FXR1: variants seen among roughly 807,000 people sequenced by gnomAD.
FXR1 encodes RNA-binding protein FXR1.
Under a neutral mutation model 84.0 loss-of-function variants are expected in FXR1, and 15 were observed. The ratio of observed to expected loss-of-function variants is 0.18; its 90% confidence interval spans 0.12 to 0.27. The LOEUF is 0.27. Ranked by LOEUF, FXR1 falls within the 10% of genes least tolerant of loss-of-function variation. The pLI is 1.00. For synonymous variants in FXR1, 245 were observed against 250.7 expected, an observed-to-expected ratio of 0.98 and a Z score of 0.21; for missense variants, 480 against 774.4, an observed-to-expected ratio of 0.62 and a Z score of 4.51.
chr3:180,931,046 A>AAAAAAAAAAAAAAAC (rs1441505081), intron 1 of FXR1, among the ~76,000 whole-genome samples: 2 of 150,586 alleles, frequency 1.3e-5, no homozygotes, highest in East Asian at 1.9e-4. Flanking sequence ...AAAAAAAAAA[A>AAAAAAAAAAAAAAAC]AGACGTGAAT....
intron 1 of FXR1, among the ~76,000 whole-genome samples, chr3:180,928,432 G>A (rs1719489174): frequency 8.6e-6 from 1 of 116,542 alleles, no homozygotes; most frequent in Non-Finnish European, 1.6e-5. Flanking sequence ...ATTTTATTAG[G>A]TCCCCCCACC....
chr3:180,922,332 T>C (rs568154284), intron 1 of FXR1, among the ~76,000 whole-genome samples: 14 of 152,336 alleles, frequency 9.2e-5, no homozygotes, highest in Middle Eastern at 3.4e-3. Flanking sequence ...AAGTTGGCTT[T>C]ATGATCTTTA....
rs1164456696 is a variant in FXR1, at chr3:180,979,184, A to G, written c.*2892A>G. 6.6e-6 allele frequency: 1 copy of G among 152,102 alleles called. No homozygotes were observed. Among genetic ancestry groups the G allele is most frequent in the Non-Finnish European group, 1.5e-5 (1 of 67,994 alleles). 9.4% of individuals were successfully genotyped at this position (152,102 alleles called of 1,614,324 possible). On this transcript the variant is annotated 3_prime_UTR_variant, in exon 17 of 17. Transcript: ENST00000357559. ...TCTTATAGAAGTTGGTATGTTAACT[A>G]AATCTTGGACTGGGAAACAGCACCA...
intron 11 of FXR1, among the ~76,000 whole-genome samples, chr3:180,962,272 T>G (rs908641403): frequency 1.1e-4 from 17 of 152,218 alleles, no homozygotes; most frequent in Admixed American, 5.9e-4. Flanking sequence ...ATAATGTCAT[T>G]TCTTTTCTTT....
rs1407123207 is a variant in FXR1, at chr3:180,977,037, C to G, written c.*745C>G. 2 of 151,446 alleles carry G rather than the reference C, an allele frequency of 1.3e-5. No homozygotes were observed. Among genetic ancestry groups the G allele is most frequent in the Non-Finnish European group, 2.9e-5 (2 of 67,810 alleles). The allele number at this position is 151,446 out of a possible 1,614,324, so 9.4% of individuals were successfully genotyped here. ...TTCCAGAAGGTTTATTCTGTATAAA[C>G]TACATGTTAGTCTTCAGTAGAGTAT... On this transcript the variant is annotated 3_prime_UTR_variant, in exon 17 of 17. Coordinates refer to ENST00000357559, the MANE Select transcript of FXR1 (RefSeq NM_005087.4).
chr3:180,947,653 A>G (rs1328790235), intron 3 of FXR1, among the ~76,000 whole-genome samples: 1 of 152,236 alleles, frequency 6.6e-6, no homozygotes, highest in Admixed American at 6.5e-5. Context: ...ATTAATTTCT[A>G]AGAAGCTAAA....
rs539698854 is a variant in FXR1 at position 180,978,069 on chromosome 3, A to G, written c.*1777A>G. On this transcript the variant is annotated 3_prime_UTR_variant, in exon 17 of 17. Transcript: ENST00000357559. ...ATTACCCACAAATGTGTTTTTTTAA[A>G]TCGATCAAAGCTAGCAACAGGTTAA... 6.6e-6 allele frequency: 1 copy of G among 152,130 alleles called. No individual in the cohort carries two copies. Among genetic ancestry groups the G allele is most frequent in the Non-Finnish European group, 1.5e-5 (1 of 67,960 alleles). The allele number at this position is 152,130 out of a possible 1,614,324, so 9.4% of individuals were successfully genotyped here.
At chr3:180,940,578 C>CTTTTTTTT (rs1559991795) in intron 3 of FXR1, among the ~76,000 whole-genome samples, 1 of 128,380 alleles carries the variant, frequency 7.8e-6, no homozygotes, top group African/African-American at 3.0e-5. Flanking sequence ...TTGTTTTTTT[C>CTTTTTTTT]TGTTTTCTTT....
At position 180,924,985 on chromosome 3, in the gene FXR1, A is replaced by G. The variant is rs551688239; in HGVS notation, c.52-8349A>G. ...TCAAGCAAAAGAAATTCATTAAAAC[A>G]TATTCATATTCAGATACCTGTGTTT... On this transcript the variant is annotated intron_variant, in intron 1 of 16. Transcript: ENST00000357559. Among the ~76,000 whole-genome samples the G allele has an allele frequency of 3.2e-4, 48 of 152,340 alleles. 1 individual carries two copies. The South Asian group carries it at 5.2e-3, about 16-fold the overall frequency.
intron 8 of FXR1, among the ~76,000 whole-genome samples, chr3:180,952,335 A>G (rs1722309340): frequency 6.6e-6 from 1 of 152,184 alleles, no homozygotes; most frequent in African/African-American, 2.4e-5. Flanking sequence ...TTCACATAGT[A>G]AAGCTGACTA....
chr3:180,978,627 T>C lies in FXR1; in HGVS notation c.*2335T>C, dbSNP rs1714442593. 1 of 152,048 alleles carries C rather than the reference T, an allele frequency of 6.6e-6. No homozygotes were observed. The allele number at this position is 152,048 out of a possible 1,614,324, so 9.4% of individuals were successfully genotyped here. The stretch of plus-strand genomic sequence containing the variant: ...GAGCCTGGCACAGTAGCTTATGTCT[T>C]TGGTTCTAGCTACTCAGGAGCCTGA... On this transcript the variant is annotated 3_prime_UTR_variant, in exon 17 of 17. Coordinates refer to ENST00000357559, the MANE Select transcript of FXR1 (RefSeq NM_005087.4).
At chr3:180,914,319 T>A (rs115725483) in intron 1 of FXR1, among the ~76,000 whole-genome samples, 2,233 of 152,270 alleles carry the variant, frequency 0.015, 36 homozygotes, top group Middle Eastern at 0.031. Flanking sequence ...AATAGACTTA[T>A]CTATGTTTTT....
At chr3:180,914,239 T>C (rs1717611517) in intron 1 of FXR1, among the ~76,000 whole-genome samples, 2 of 152,198 alleles carry the variant, frequency 1.3e-5, no homozygotes, top group South Asian at 4.1e-4. Context: ...ACTTTTGTTG[T>C]TATTGAAACC....
At chr3:180,938,384 CTG>C (rs1720759829) in intron 3 of FXR1, among the ~76,000 whole-genome samples, 1 of 152,130 alleles carries the variant, frequency 6.6e-6, no homozygotes, top group African/African-American at 2.4e-5. Context: ...TGGATGGAAA[CTG>C]ATGTCTCATG....
intron 3 of FXR1, among the ~76,000 whole-genome samples, chr3:180,935,822 C>G (rs1190898117): frequency 6.6e-6 from 1 of 152,248 alleles, no homozygotes; most frequent in Non-Finnish European, 1.5e-5. Context: ...TCAGGCTTGT[C>G]TCAGCATCCC....
At chr3:180,942,246 C>T (rs1245569733) in intron 3 of FXR1, among the ~76,000 whole-genome samples, 3 of 151,768 alleles carry the variant, frequency 2.0e-5, no homozygotes, top group East Asian at 1.9e-4. Flanking sequence ...GGTGTGGTAG[C>T]GGGTGCCTGT....
chr3:180,971,086 A>C (rs1357281956), intron 15 of FXR1: 2 of 1,243,504 alleles, frequency 1.6e-6, no homozygotes, highest in East Asian at 5.9e-5. Context: ...TGATAGTGAA[A>C]AAAAACCCCA....
intron 3 of FXR1, among the ~76,000 whole-genome samples, chr3:180,937,777 G>A (rs914165179): frequency 6.6e-6 from 1 of 152,030 alleles, no homozygotes; most frequent in East Asian, 1.9e-4. Flanking sequence ...CGTTTCGAAA[G>A]CCTCTTCCCC....
At chr3:180,962,152 T>C (rs901010770) in intron 11 of FXR1, among the ~76,000 whole-genome samples, 1 of 152,236 alleles carries the variant, frequency 6.6e-6, no homozygotes, top group African/African-American at 2.4e-5. Flanking sequence ...TTATTCCTGC[T>C]GTGTTTCTTT....
Sources: allele counts gnomAD v4.1 joint callset (sites outside exome capture counted in the v4.1 genomes callset), GRCh38; gene constraint gnomAD v4.1.1; transcripts MANE v1.5; gene names NCBI Gene and HGNC (gene_info 2026-07-23, HGNC 2026-07-21).